KCNQ2: variants seen among roughly 807,000 people sequenced by gnomAD.
KCNQ2 encodes the protein potassium voltage-gated channel subfamily KQT member 2.
KCNQ2 carries 14 observed loss-of-function variants against 84.8 expected under a neutral mutation model. The observed-to-expected ratio is 0.17, with a 90% CI of 0.11 to 0.26. The LOEUF is 0.26. Among genes scored for constraint, KCNQ2 ranks in the 10% least tolerant of loss-of-function variants. The pLI is 1.00. For missense variants in KCNQ2, 788 were observed against 1,254.0 expected (o/e 0.63, Z 5.61); for synonymous variants, 599 against 554.1 (o/e 1.08, Z -1.14).
intron 7 of KCNQ2, chr20:63,434,117 C>T: frequency 1.8e-6 from 1 of 558,700 alleles, no homozygotes; most frequent in Non-Finnish European, 3.2e-6. Context: ...GCTTGTCAGA[C>T]GGTGGGGCCT....
Position 63,446,888 on chromosome 20 carries a change from A to C in KCNQ2, c.297-51T>G. On this transcript the variant is annotated intron_variant, in intron 1 of 16. Coordinates refer to ENST00000359125, the MANE Select transcript of KCNQ2 (RefSeq NM_172107.4). This position sits in a 1 kb window ranked among gnomAD's most constrained non-coding sequence, Gnocchi z 5.5. ...AGACAGGCCGCAGCAGGGCAGCAGCATGGCTGTGTCTCCAGAACTCAGGAC... is the reference window on the plus strand; with the variant it reads ...AGACAGGCCGCAGCAGGGCAGCAGCCTGGCTGTGTCTCCAGAACTCAGGAC... 6.6e-7 allele frequency: 1 copy of C among 1,514,206 alleles called. No individual in the cohort carries two copies. Among genetic ancestry groups the C allele is most frequent in the Non-Finnish European group, 9.2e-7 (1 of 1,089,832 alleles). The allele number at this position is 1,514,206 out of a possible 1,614,324, so 93.8% of individuals were successfully genotyped here.
In KCNQ2 at chr20:63,406,694, T is replaced by C. The variant is rs2079944782; in HGVS notation, c.2569A>G (p.Thr857Ala). ...ACGTCACCAAAGGGACCCTCGCCGG[T>C]GGCCGAGCGTGGCGGGGGCCCGCAC... ...TPCGPPPRSA[T>A]GEGPFGDVGW... The change falls in exon 17 of 17, where the codon ACC (threonine) becomes GCC (alanine). Residue 857 changes from threonine to alanine, a missense_variant. Around this residue, in one of 8 missense-constraint regions of KCNQ2, gnomAD observed 378 missense variants for 434.5 expected, o/e 0.87. Transcript: ENST00000359125. 6.2e-7 allele frequency: 1 copy of C among 1,606,284 alleles called. No individual in the cohort carries two copies. Among genetic ancestry groups the C allele is most frequent in the Non-Finnish European group, 8.5e-7 (1 of 1,177,778 alleles).
At chr20:63,466,978 T>A (rs762558058) in intron 1 of KCNQ2, among the ~76,000 whole-genome samples, 55 of 152,370 alleles carry the variant, frequency 3.6e-4, no homozygotes, top group Middle Eastern at 3.4e-3. Context: ...GGGCTCTGTC[T>A]GTGATGACAA....
Position 63,438,850 on chromosome 20 carries a change from A to ACACCCC in KCNQ2, c.928-136_928-131dup, listed in dbSNP as rs1231264460. 1.6e-6 allele frequency: 1 copy of ACACCCC among 634,926 alleles called. No individual in the cohort carries two copies. Among genetic ancestry groups the ACACCCC allele is most frequent in the African/African-American group, 2.1e-5 (1 of 47,816 alleles). 39.3% of individuals were successfully genotyped at this position (634,926 alleles called of 1,614,324 possible). On this transcript the variant is annotated intron_variant, in intron 6 of 16. Transcript: ENST00000359125. The surrounding 1 kb of genome is among the most constrained non-coding windows in gnomAD (Gnocchi z 5.1). ...GTCAGACCACACTCCAGAGACTCAC[A>ACACCCC]CACCCCCCAATTCATCAGGGTCAGA... is the stretch of plus-strand genomic sequence containing the variant.
At chr20:63,466,828 C>T (rs776462401) in intron 1 of KCNQ2, among the ~76,000 whole-genome samples, 14 of 152,226 alleles carry the variant, frequency 9.2e-5, no homozygotes, top group South Asian at 2.1e-4. Context: ...CACAGGAGCA[C>T]GTCTCACACG....
intron 15 of KCNQ2, among the ~76,000 whole-genome samples, chr20:63,411,587 G>A (rs1040059483): frequency 3.3e-5 from 5 of 152,230 alleles, no homozygotes; most frequent in Admixed American, 3.3e-4. Context: ...CCTGATAGGG[G>A]CACAGCCTGC....
intron 1 of KCNQ2, among the ~76,000 whole-genome samples, chr20:63,464,204 C>T (rs2082026221): frequency 6.6e-6 from 1 of 152,132 alleles, no homozygotes; most frequent in Non-Finnish European, 1.5e-5. Flanking sequence ...GCCCAGCATC[C>T]CCTGTCTGGG....
Position 63,406,620 on chromosome 20 carries a change from C to A in KCNQ2, c.*24G>T. On this transcript the variant is annotated 3_prime_UTR_variant, in exon 17 of 17. Transcript: ENST00000359125. ...GCACCGTGCTGAGGAGGGCCGCGGGCGGGTCCACTGGCCCAGCGCCGCCTC... is the reference window on the plus strand; with the variant it reads ...GCACCGTGCTGAGGAGGGCCGCGGGAGGGTCCACTGGCCCAGCGCCGCCTC... 6.4e-7 allele frequency: 1 copy of A among 1,572,958 alleles called. No homozygotes were observed. Among genetic ancestry groups the A allele is most frequent in the South Asian group, 1.1e-5 (1 of 88,102 alleles).
intron 10 of KCNQ2, among the ~76,000 whole-genome samples, chr20:63,424,911 C>T (rs924466075): frequency 1.3e-5 from 2 of 152,218 alleles, no homozygotes; most frequent in Admixed American, 6.5e-5. Flanking sequence ...GCTGGTACGC[C>T]GTGTTACAAG....
chr20:63,438,738 C>T lies in KCNQ2; in HGVS notation c.928-18G>A. 1.2e-6 allele frequency: 2 copies of T among 1,609,876 alleles called. No homozygotes were observed. Among genetic ancestry groups the T allele is most frequent in the South Asian group, 1.1e-5 (1 of 91,020 alleles). ...AAGATGCCCTGCAATTCATCAGGGT[C>T]AGGTCACACCCCAGGGACCCCCCAC... On this transcript the variant is annotated intron_variant, in intron 6 of 16. Transcript: ENST00000359125. The surrounding 1 kb of genome is among the most constrained non-coding windows in gnomAD (Gnocchi z 5.1).
intron 10 of KCNQ2, among the ~76,000 whole-genome samples, chr20:63,427,628 C>T (rs146503670): frequency 1.1e-3 from 166 of 152,330 alleles, no homozygotes; most frequent in African/African-American, 3.8e-3. Context: ...GGCTTGTGGC[C>T]GCATCACTTC....
In KCNQ2 at chr20:63,445,508, C is replaced by A. The variant is rs111959185; in HGVS notation, c.388-144G>T. 393 of 214,518 alleles carry A rather than the reference C, an allele frequency of 1.8e-3. 2 individuals are homozygous for A. The highest frequency in any genetic ancestry group is 2.9e-3 in the Non-Finnish European group (350 of 121,472). The allele number at this position is 214,518 out of a possible 1,614,324, so 13.3% of individuals were successfully genotyped here. ...AAAGGAAACTGCAAGCTGACCCCCC[C>A]ACCCCTCTCCAGCCTCTGGGCAGGA... is the stretch of plus-strand genomic sequence containing the variant. On this transcript the variant is annotated intron_variant, in intron 2 of 16. Coordinates refer to ENST00000359125, the MANE Select transcript of KCNQ2 (RefSeq NM_172107.4).
At position 63,445,441 on chromosome 20, in the gene KCNQ2, C is replaced by T. The variant is rs569197465; in HGVS notation, c.388-77G>A. The T allele has an allele frequency of 4.5e-6, 7 of 1,551,976 alleles. No homozygotes were observed. The African/African-American group carries it at 5.4e-5, about 12-fold the overall frequency. On this transcript the variant is annotated intron_variant, in intron 2 of 16. Transcript: ENST00000359125. ...GGCCCAGCCTGGACACCCACAGGAG[C>T]AGTTCTGGCCCAGGGACCAAGCCAC...
chr20:63,438,829 G>A lies in KCNQ2; in HGVS notation c.928-109C>T, dbSNP rs889081881. ...CACCCCCCCCAATTCATCAGGGTCAGACCACACTCCAGAGACTCACACACC... is the reference window on the plus strand; with the variant it reads ...CACCCCCCCCAATTCATCAGGGTCAAACCACACTCCAGAGACTCACACACC... On this transcript the variant is annotated intron_variant, in intron 6 of 16. Coordinates refer to ENST00000359125, the MANE Select transcript of KCNQ2 (RefSeq NM_172107.4). This position sits in a 1 kb window ranked among gnomAD's most constrained non-coding sequence, Gnocchi z 5.1. 5 of 775,120 alleles carry A rather than the reference G, an allele frequency of 6.5e-6. No homozygotes were observed. In the African/African-American group the frequency reaches 9.8e-5, roughly 15 times the overall value. 48.0% of individuals were successfully genotyped at this position (775,120 alleles called of 1,614,324 possible). A position where few individuals can be genotyped will look rare whatever the true frequency, so the allele number is the denominator to read the frequency against.
At chr20:63,418,632 C>A (rs1215657215) in intron 12 of KCNQ2, among the ~76,000 whole-genome samples, 4 of 152,342 alleles carry the variant, frequency 2.6e-5, no homozygotes, top group African/African-American at 9.6e-5. Context: ...CCAGAAGCAC[C>A]CTGAATAGAT....
intron 1 of KCNQ2, among the ~76,000 whole-genome samples, chr20:63,451,611 G>C (rs1462446783): frequency 6.6e-6 from 1 of 152,172 alleles, no homozygotes; most frequent in Non-Finnish European, 1.5e-5. Flanking sequence ...CAGGACCTGG[G>C]GACTTGGGCA....
intron 9 of KCNQ2, among the ~76,000 whole-genome samples, chr20:63,428,765 G>T (rs1357171144): frequency 1.3e-5 from 2 of 152,158 alleles, no homozygotes; most frequent in African/African-American, 2.4e-5. Flanking sequence ...GCGCAGGTAG[G>T]GGGAGGCGCT....
At chr20:63,411,528 C>T (rs567954239) in intron 15 of KCNQ2, among the ~76,000 whole-genome samples, 3 of 152,338 alleles carry the variant, frequency 2.0e-5, no homozygotes, top group East Asian at 1.9e-4. Flanking sequence ...ACAGAGCCCC[C>T]GGCTTCCCCA....
chr20:63,413,396 C>T (rs2080183098), intron 15 of KCNQ2, 54 bp downstream of exon 15: 2 of 1,606,260 alleles, frequency 1.2e-6, no homozygotes, highest in African/African-American at 2.7e-5. Flanking sequence ...GGGCTTTGTC[C>T]CAGAAGCCCA....
Sources: allele counts gnomAD v4.1 joint callset (sites outside exome capture counted in the v4.1 genomes callset), GRCh38; gene constraint gnomAD v4.1.1; regional missense constraint gnomAD v4.1.1; non-coding constraint Gnocchi (gnomAD v3.1); transcripts MANE v1.5; gene names NCBI Gene and HGNC (gene_info 2026-07-23, HGNC 2026-07-21).